Variants in MAP2K6 observed in about 807,000 individuals in gnomAD.
The protein encoded by MAP2K6 is mitogen-activated protein kinase kinase 6.
In MAP2K6, 16 loss-of-function variants were observed where a neutral mutation model predicts 53.7. That is an observed-to-expected ratio of 0.30 (90% CI 0.20 to 0.45). The LOEUF (loss-of-function observed/expected upper bound fraction) is 0.45. Among genes scored for constraint, MAP2K6 ranks in the 20% least tolerant of loss-of-function variants. MAP2K6 has a pLI of 1.00. For synonymous variants in MAP2K6, 132 were observed against 143.1 expected (o/e 0.92, Z 0.55); for missense variants, 204 against 411.9 (o/e 0.50, Z 4.37).
At chr17:69,449,585 C>CTTTCTTTCTTTT (rs1317941741) in intron 1 of MAP2K6, among the ~76,000 whole-genome samples, 1 of 93,510 alleles carries the variant, frequency 1.1e-5, no homozygotes, top group Non-Finnish European at 2.4e-5. Context: ...TTCTTTCTTT[C>CTTTCTTTCTTTT]TTTCTTTTTC....
intron 1 of MAP2K6, among the ~76,000 whole-genome samples, chr17:69,493,093 C>T (rs1054284312): frequency 6.6e-6 from 1 of 151,948 alleles, no homozygotes; most frequent in Non-Finnish European, 1.5e-5. Context: ...AGCCAATGAA[C>T]TTATACAAAA....
At chr17:69,523,378 G>A in intron 7 of MAP2K6, 136 bp from the exon 8 acceptor site, 1 of 979,938 alleles carries the variant, frequency 1.0e-6, no homozygotes, top group Admixed American at 1.9e-5. Context: ...GGTCAGGGAT[G>A]GCAGTTACTT....
intron 1 of MAP2K6, chr17:69,434,069 G>C (rs148427037): frequency 6.6e-6 from 1 of 152,166 alleles, no homozygotes; most frequent in Non-Finnish European, 1.5e-5. Flanking sequence ...ACAGGTTTTT[G>C]TTAATATTCT....
chr17:69,415,253 T>C (rs1231713639), intron 1 of MAP2K6, among the ~76,000 whole-genome samples: 1 of 152,214 alleles, frequency 6.6e-6, no homozygotes, highest in Non-Finnish European at 1.5e-5. Flanking sequence ...TTTTGCCTTT[T>C]GCACAGTCAG....
At position 69,549,619 on chromosome 17, in the gene MAP2K6, A is replaced by G. The variant is rs961568274; in HGVS notation, c.*7866A>G. ...TATTGTTTCCAGTTCTTAAAAATTTAAGGGCTATCTAAGAAAAGTTTAAGC... is the reference window on the plus strand; with the variant it reads ...TATTGTTTCCAGTTCTTAAAAATTTGAGGGCTATCTAAGAAAAGTTTAAGC... On this transcript the variant is annotated 3_prime_UTR_variant, in exon 12 of 12. Transcript: ENST00000590474. 3.9e-5 allele frequency: 6 copies of G among 152,174 alleles called. No individual in the cohort carries two copies. The highest frequency in any genetic ancestry group is 1.4e-4 in the African/African-American group (6 of 41,442). The allele number at this position is 152,174 out of a possible 1,614,324, so 9.4% of individuals were successfully genotyped here.
intron 1 of MAP2K6, among the ~76,000 whole-genome samples, chr17:69,428,662 A>T (rs983020234): frequency 6.6e-6 from 1 of 152,174 alleles, no homozygotes; most frequent in Non-Finnish European, 1.5e-5. Flanking sequence ...GTTCTGGTAT[A>T]AGATACGAGT....
Position 69,546,957 on chromosome 17 carries a change from C to T in MAP2K6, c.*5204C>T, listed in dbSNP as rs942213039. The T allele has an allele frequency of 6.6e-6, 1 of 150,770 alleles. No homozygotes were observed. Among genetic ancestry groups the T allele is most frequent in the Non-Finnish European group, 1.5e-5 (1 of 67,856 alleles). 9.3% of individuals were successfully genotyped at this position (150,770 alleles called of 1,614,324 possible). A position where few individuals can be genotyped will look rare whatever the true frequency, so the allele number is the denominator to read the frequency against. On this transcript the variant is annotated 3_prime_UTR_variant, in exon 12 of 12. Transcript: ENST00000590474. The stretch of plus-strand genomic sequence containing the variant: ...CAGAGTAAAATCTAGGAAGAAGGAG[C>T]TACCAGACCCGATAGAATAGAAAGA...
chr17:69,540,015 C>G (rs1406003936), intron 11 of MAP2K6, among the ~76,000 whole-genome samples: 1 of 152,158 alleles, frequency 6.6e-6, no homozygotes, highest in Non-Finnish European at 1.5e-5. Flanking sequence ...CTCAGATGGG[C>G]AAAGGGAGAA....
intron 1 of MAP2K6, among the ~76,000 whole-genome samples, chr17:69,423,878 G>A (rs1207238875): frequency 6.6e-6 from 1 of 152,078 alleles, no homozygotes; most frequent in Non-Finnish European, 1.5e-5. Context: ...TTAGGTTGGT[G>A]CAAAAGTAAT....
At chr17:69,539,929 G>A (rs1336169075) in intron 11 of MAP2K6, among the ~76,000 whole-genome samples, 1 of 152,164 alleles carries the variant, frequency 6.6e-6, no homozygotes, top group Non-Finnish European at 1.5e-5. Flanking sequence ...AGGGAGCTCA[G>A]GAGGAAGGAC....
chr17:69,525,574 G>T (rs1041737916), intron 9 of MAP2K6, among the ~76,000 whole-genome samples: 4 of 152,202 alleles, frequency 2.6e-5, no homozygotes, highest in African/African-American at 9.7e-5. Context: ...GATCATGGCG[G>T]AAGGTGAAAG....
At chr17:69,438,792 C>T (rs777889234) in intron 1 of MAP2K6, among the ~76,000 whole-genome samples, 1 of 151,910 alleles carries the variant, frequency 6.6e-6, no homozygotes. Flanking sequence ...ACTATGCTGC[C>T]CAGGCTGATA....
intron 1 of MAP2K6, among the ~76,000 whole-genome samples, chr17:69,484,046 A>T (rs1050486800): frequency 1.3e-5 from 2 of 152,144 alleles, no homozygotes; most frequent in African/African-American, 2.4e-5. Context: ...GATTTCTTAG[A>T]TATAATAGCA....
rs1164950698 is a variant in MAP2K6, at chr17:69,553,777, T to C, written c.*12024T>C. The C allele has an allele frequency of 1.3e-5, 2 of 152,230 alleles. No individual in the cohort carries two copies. The highest frequency in any genetic ancestry group is 4.8e-5 in the African/African-American group (2 of 41,466). The allele number at this position is 152,230 out of a possible 1,614,324, so 9.4% of individuals were successfully genotyped here. On this transcript the variant is annotated 3_prime_UTR_variant, in exon 12 of 12. Coordinates refer to ENST00000590474, the MANE Select transcript of MAP2K6 (RefSeq NM_002758.4). ...CATAGCTGGGACAAGTAACATTAAG[T>C]ATTCAGGAGCAAAGTGTTCTTGAAA...
intron 1 of MAP2K6, among the ~76,000 whole-genome samples, chr17:69,451,814 T>G (rs1907237499): frequency 6.6e-6 from 1 of 152,170 alleles, no homozygotes; most frequent in Non-Finnish European, 1.5e-5. Context: ...AGTGGTTCTC[T>G]TTCCCTGAGG....
chr17:69,427,087 A>G (rs7209210), intron 1 of MAP2K6, among the ~76,000 whole-genome samples: 16,310 of 152,252 alleles, frequency 0.11, 1,350 homozygotes, highest in East Asian at 0.43. Context: ...TCAATAATCA[A>G]CGTCTAGCTG....
chr17:69,502,211 C>T, intron 1 of MAP2K6: 2 of 985,482 alleles, frequency 2.0e-6, no homozygotes, highest in African/African-American at 3.5e-5. Context: ...GAACAATGAG[C>T]TTGCAGAGGT....
intron 1 of MAP2K6, among the ~76,000 whole-genome samples, chr17:69,427,602 A>G (rs897511559): frequency 8.5e-5 from 13 of 152,128 alleles, no homozygotes; most frequent in Admixed American, 7.9e-4. Context: ...TCCCTCAATA[A>G]CTCCATTTAA....
At chr17:69,429,350 T>C (rs1906381530) in intron 1 of MAP2K6, among the ~76,000 whole-genome samples, 1 of 151,358 alleles carries the variant, frequency 6.6e-6, no homozygotes, top group Non-Finnish European at 1.5e-5. Flanking sequence ...CTTGGGAGGC[T>C]AAGGTGGGAG....
Sources: gnomAD v4.1 joint callset for allele counts (sites outside exome capture counted in the v4.1 genomes callset) on GRCh38, gnomAD v4.1.1 for gene constraint, MANE v1.5 for transcripts, NCBI Gene and HGNC (gene_info 2026-07-23, HGNC 2026-07-21) for gene names.